The following ACSL4 variants were observed in gnomAD, a reference collection of about 807,000 sequenced individuals.
ACSL4 encodes acyl-CoA synthetase long chain family member 4, also known as long-chain-fatty-acid--CoA ligase 4.
ACSL4 carries 9 observed loss-of-function variants against 49.1 expected under a neutral mutation model. The ratio of observed to expected loss-of-function variants is 0.18; its 90% CI spans 0.11 to 0.32. The LOEUF is 0.32. Among genes scored for constraint, ACSL4 ranks in the 10% least tolerant of loss-of-function variants. The probability of loss-of-function intolerance (pLI) is 1.00; values close to 1 mark genes in which losing one functional copy is unlikely to be tolerated. For missense variants in ACSL4, 333 were observed against 493.7 expected, an observed-to-expected ratio of 0.67 and a Z score of 3.08; for synonymous variants, 191 against 170.3, an observed-to-expected ratio of 1.12 and a Z score of -0.95.
intron 15 of ACSL4, among the ~76,000 whole-genome samples, chrX:109,645,931 G>T (rs1378484034): frequency 8.9e-6 from 1 of 112,013 alleles, no homozygotes. Flanking sequence ...AATGATGGAA[G>T]ATGAAATGAA....
intron 9 of ACSL4, among the ~76,000 whole-genome samples, chrX:109,671,036 T>C (rs1378383696): frequency 1.1e-4 from 12 of 111,569 alleles, no homozygotes; most frequent in African/African-American, 3.9e-4. Context: ...CAGCCTCTGC[T>C]CGGCCGCCAC....
Position 109,678,389 on chromosome X carries a change from G to T in ACSL4, c.682C>A (p.Pro228Thr). 1 of 1,211,835 alleles carries T rather than the reference G, an allele frequency of 8.3e-7. No homozygotes were observed. The highest frequency in any genetic ancestry group is 3.0e-5 in the East Asian group (1 of 33,860). ...NLGIPPSRPT[P>T]SDMAIVMYTS... ...TACATAACAATGGCCATGTCTGAAGGCGTTGGTCTACTTGGAGGAATGCCC... is the reference window on the plus strand; with the variant it reads ...TACATAACAATGGCCATGTCTGAAGTCGTTGGTCTACTTGGAGGAATGCCC... The change falls in exon 7 of 16, where the codon CCT (proline) becomes ACT (threonine). Residue 228 changes from proline (P) to threonine (T), a missense_variant. This residue lies in a region of ACSL4 where 157 missense variants were observed against 201.1 expected (regional missense o/e 0.78). Coordinates refer to ENST00000672401, the MANE Select transcript of ACSL4 (RefSeq NM_001318510.2).
chrX:109,654,762 A>C (rs1487183740), intron 15 of ACSL4, among the ~76,000 whole-genome samples: 1 of 112,291 alleles, frequency 8.9e-6, no homozygotes, highest in Non-Finnish European at 1.9e-5. Context: ...AAAGCTGGAA[A>C]GAGCAGCACT....
chrX:109,679,620 T>TGCTA (rs1333509075), intron 6 of ACSL4, among the ~76,000 whole-genome samples: 1 of 112,354 alleles, frequency 8.9e-6, no homozygotes, highest in Non-Finnish European at 1.9e-5. Context: ...AAATTCTTCT[T>TGCTA]AATCTAAGCA....
chrX:109,727,830 G>A (rs987601558), intron 1 of ACSL4, among the ~76,000 whole-genome samples: 1 of 111,452 alleles, frequency 9.0e-6, no homozygotes, highest in East Asian at 2.8e-4. Flanking sequence ...GTTGTATTGT[G>A]AATGCGGCCA....
intron 15 of ACSL4, among the ~76,000 whole-genome samples, chrX:109,650,292 G>A (rs1934960732): frequency 9.1e-6 from 1 of 110,270 alleles, no homozygotes; most frequent in Admixed American, 9.7e-5. Context: ...GTCCAACAAT[G>A]ATAGACTGGA....
intron 1 of ACSL4, among the ~76,000 whole-genome samples, chrX:109,702,651 G>A (rs1017540470): frequency 5.4e-5 from 6 of 111,895 alleles, no homozygotes; most frequent in Non-Finnish European, 1.1e-4. Flanking sequence ...CGGGGCTGAG[G>A]CAGGAAATAT....
intron 13 of ACSL4, 91 bp downstream of exon 13, chrX:109,663,120 A>T (rs1458476389): frequency 1.2e-6 from 1 of 835,081 alleles, no homozygotes; most frequent in Admixed American, 3.1e-5. Flanking sequence ...TAATGGAACC[A>T]TCAACTTTAT....
At chrX:109,721,499 AG>A (rs755047668) in intron 1 of ACSL4, among the ~76,000 whole-genome samples, 2 of 112,144 alleles carry the variant, frequency 1.8e-5, no homozygotes, top group African/African-American at 6.5e-5. Flanking sequence ...TGGGAGACCA[AG>A]GCAGGCGGAT....
intron 15 of ACSL4, among the ~76,000 whole-genome samples, chrX:109,658,683 T>C (rs1921905162): frequency 8.9e-6 from 1 of 111,775 alleles, no homozygotes; most frequent in African/African-American, 3.3e-5. Flanking sequence ...CCCAACCTAG[T>C]TAACTTCTAA....
intron 2 of ACSL4, among the ~76,000 whole-genome samples, chrX:109,693,534 A>G (rs778078311): frequency 8.9e-6 from 1 of 112,275 alleles, no homozygotes; most frequent in African/African-American, 3.2e-5. Flanking sequence ...GAAGGAAGTC[A>G]CACAAAGCCA....
chrX:109,651,918 A>G (rs1921171249), intron 15 of ACSL4, among the ~76,000 whole-genome samples: 1 of 112,109 alleles, frequency 8.9e-6, no homozygotes, highest in Non-Finnish European at 1.9e-5. Flanking sequence ...GAAGCAATGG[A>G]CTATCACAGA....
chrX:109,643,855 C>T lies in ACSL4; in HGVS notation c.*174G>A. ...TCAGCTGCACTAGAACTATGCAAAACTAAGTTAAAGTAAACCGGACAACAA... is the reference window on the plus strand; with the variant it reads ...TCAGCTGCACTAGAACTATGCAAAATTAAGTTAAAGTAAACCGGACAACAA... On this transcript the variant is annotated 3_prime_UTR_variant, in exon 16 of 16. Coordinates refer to ENST00000672401, the MANE Select transcript of ACSL4 (RefSeq NM_001318510.2). 1.8e-6 allele frequency: 1 copy of T among 542,013 alleles called. No individual in the cohort carries two copies. The highest frequency in any genetic ancestry group is 2.9e-5 in the South Asian group (1 of 34,131). 44.7% of individuals were successfully genotyped at this position (542,013 alleles called of 1,213,427 possible).
At chrX:109,693,976 T>C (rs763057140) in intron 2 of ACSL4, among the ~76,000 whole-genome samples, 27 of 112,130 alleles carry the variant, frequency 2.4e-4, no homozygotes, top group Non-Finnish European at 4.7e-4. Flanking sequence ...AAATTAACTA[T>C]AGAAGTTTGA....
chrX:109,680,900 G>A (rs1924111879), intron 6 of ACSL4, 98 bp downstream of exon 6: 1 of 910,531 alleles, frequency 1.1e-6, no homozygotes, highest in Admixed American at 2.7e-5. Flanking sequence ...TTCAGTCAAA[G>A]AACTTTTGTG....
intron 1 of ACSL4, among the ~76,000 whole-genome samples, chrX:109,709,977 T>G (rs1459891610): frequency 9.0e-6 from 1 of 111,433 alleles, no homozygotes; most frequent in African/African-American, 3.3e-5. Context: ...TGGTGGTGCA[T>G]GCCTGTAATC....
At chrX:109,656,778 A>AT (rs1921684115) in intron 15 of ACSL4, among the ~76,000 whole-genome samples, 2 of 109,790 alleles carry the variant, frequency 1.8e-5, no homozygotes, top group East Asian at 5.6e-4. Context: ...CCCACATGGA[A>AT]TCCCTCGTTG....
At chrX:109,688,948 G>A (rs1054181630) in intron 2 of ACSL4, among the ~76,000 whole-genome samples, 1 of 109,006 alleles carries the variant, frequency 9.2e-6, no homozygotes, top group Non-Finnish European at 1.9e-5. Flanking sequence ...TTTCCTTCAA[G>A]CCTGGAAGTC....
intron 2 of ACSL4, among the ~76,000 whole-genome samples, chrX:109,689,958 ATAAGG>A (rs1032946135): frequency 8.9e-6 from 1 of 112,080 alleles, no homozygotes; most frequent in Non-Finnish European, 1.9e-5. Context: ...TTCTGAATCT[ATAAGG>A]TAAAAATATA....
Sources: gnomAD v4.1 joint callset for allele counts (sites outside exome capture counted in the v4.1 genomes callset) on GRCh38, gnomAD v4.1.1 for gene constraint, gnomAD v4.1.1 regional missense constraint, MANE v1.5 for transcripts, NCBI Gene and HGNC (gene_info 2026-07-23, HGNC 2026-07-21) for gene names.